Variants in EYS observed in about 807,000 individuals in gnomAD.
EYS encodes the protein EGF-like photoreceptor maintenance factor.
EYS carries 250 observed loss-of-function variants against 282.1 expected under a neutral mutation model. The observed-to-expected ratio is 0.89, with a 90% CI of 0.80 to 0.98. EYS has a LOEUF of 0.98. Among genes scored for constraint, EYS ranks in the 50% least tolerant of loss-of-function variants. The pLI, the probability that EYS is intolerant of heterozygous loss-of-function variation, is 0.00. For missense variants in EYS, 4,016 were observed against 3,709.0 expected (o/e 1.08, Z -2.15); for synonymous variants, 1,355 against 1,282.9 (o/e 1.06, Z -1.20).
chr6:64,023,829 C>A (rs183767755), intron 33 of EYS, among the ~76,000 whole-genome samples: 46 of 152,274 alleles, frequency 3.0e-4, no homozygotes, highest in African/African-American at 1.1e-3. Flanking sequence ...CGGGCCAGCG[C>A]GAGTTCCAGG....
intron 14 of EYS, among the ~76,000 whole-genome samples, chr6:64,975,925 C>T (rs1407558812): frequency 6.6e-6 from 1 of 151,446 alleles, no homozygotes; most frequent in African/African-American, 2.4e-5. Context: ...TTAAAAAAAG[C>T]TAATTTGATA....
At chr6:64,334,936 G>A (rs1280945368) in intron 29 of EYS, among the ~76,000 whole-genome samples, 3 of 152,036 alleles carry the variant, frequency 2.0e-5, no homozygotes, top group Non-Finnish European at 4.4e-5. Flanking sequence ...GGCCATAATA[G>A]GTGTATGCCT....
intron 36 of EYS, among the ~76,000 whole-genome samples, chr6:63,829,903 G>T (rs927058695): frequency 1.3e-5 from 2 of 152,178 alleles, no homozygotes; most frequent in African/African-American, 4.8e-5. Flanking sequence ...CTGCCATTCT[G>T]CAATATTTGC....
At chr6:64,552,184 C>A (rs1213544639) in intron 26 of EYS, among the ~76,000 whole-genome samples, 1 of 152,194 alleles carries the variant, frequency 6.6e-6, no homozygotes, top group Non-Finnish European at 1.5e-5. Context: ...TTGGGCACAG[C>A]TGGCCAGCAT....
chr6:63,913,258 C>T (rs1245673782), intron 35 of EYS, among the ~76,000 whole-genome samples: 1 of 152,142 alleles, frequency 6.6e-6, no homozygotes, highest in Non-Finnish European at 1.5e-5. Context: ...AAGATTACTC[C>T]AGGCACTTGG....
At chr6:65,699,148 A>T (rs1012668907) in intron 1 of EYS, among the ~76,000 whole-genome samples, 2 of 152,186 alleles carry the variant, frequency 1.3e-5, no homozygotes, top group African/African-American at 4.8e-5. Flanking sequence ...TTAATTTATT[A>T]TCTTCTACTT....
At position 64,094,912 on chromosome 6, in the gene EYS, C is replaced by G. The variant is rs566985416; in HGVS notation, c.6425-12910G>C. ...ATTTAGTGCTATAAATTTCCCTCTACACACTGCGTTGAATGTGTCCCAGAG... is the reference window on the plus strand; with the variant it reads ...ATTTAGTGCTATAAATTTCCCTCTAGACACTGCGTTGAATGTGTCCCAGAG... On this transcript the variant is annotated intron_variant, in intron 31 of 42. Transcript: ENST00000503581. Among the ~76,000 whole-genome samples the G allele has an allele frequency of 2.0e-5, 3 of 152,214 alleles. No individual in the cohort carries two copies. The East Asian group carries it at 5.8e-4, about 29-fold the overall frequency.
chr6:65,586,694 G>C (rs1384628383), intron 2 of EYS, among the ~76,000 whole-genome samples: 2 of 151,986 alleles, frequency 1.3e-5, no homozygotes, highest in Non-Finnish European at 2.9e-5. Flanking sequence ...AATTTTGATA[G>C]GAAAATATTT....
At chr6:65,348,882 C>A (rs1582170534) in intron 9 of EYS, among the ~76,000 whole-genome samples, 1 of 151,540 alleles carries the variant, frequency 6.6e-6, no homozygotes, top group Admixed American at 6.6e-5. Flanking sequence ...TTTTGATTTG[C>A]TTTTTGTATA....
chr6:65,225,523 G>A (rs1766598265), intron 12 of EYS, among the ~76,000 whole-genome samples: 1 of 151,528 alleles, frequency 6.6e-6, no homozygotes, highest in Admixed American at 6.6e-5. Flanking sequence ...AGACCAGCCT[G>A]GCCAACATGG....
chr6:65,619,892 C>T (rs1040227518), intron 2 of EYS, among the ~76,000 whole-genome samples: 3 of 150,956 alleles, frequency 2.0e-5, no homozygotes, highest in African/African-American at 7.3e-5. Context: ...CCTTGCATCC[C>T]AGGGATGAAG....
At chr6:64,449,622 T>C (rs947393396) in intron 26 of EYS, among the ~76,000 whole-genome samples, 11 of 152,090 alleles carry the variant, frequency 7.2e-5, no homozygotes, top group Non-Finnish European at 4.4e-5. Flanking sequence ...TTGGGTTACC[T>C]ACAAAGGGAA....
chr6:65,363,472 TC>T (rs1282286995), intron 8 of EYS, among the ~76,000 whole-genome samples: 1 of 151,966 alleles, frequency 6.6e-6, no homozygotes, highest in African/African-American at 2.4e-5. Context: ...GAAAAATAAC[TC>T]CTTTAAGTAT....
intron 35 of EYS, among the ~76,000 whole-genome samples, chr6:63,904,779 T>G (rs1773736445): frequency 2.0e-5 from 3 of 152,228 alleles, no homozygotes; most frequent in Admixed American, 2.0e-4. Flanking sequence ...TTATTTTTCT[T>G]AGAAGCCTCT....
At chr6:64,165,039 A>T (rs1336561817) in intron 31 of EYS, among the ~76,000 whole-genome samples, 1 of 152,044 alleles carries the variant, frequency 6.6e-6, no homozygotes, top group Non-Finnish European at 1.5e-5. Flanking sequence ...GTTTGTGCAC[A>T]TTTCTAGTAA....
intron 36 of EYS, among the ~76,000 whole-genome samples, chr6:63,818,033 C>T (rs1771227750): frequency 6.6e-6 from 1 of 152,166 alleles, no homozygotes; most frequent in Non-Finnish European, 1.5e-5. Context: ...AGTGGGAACC[C>T]TCCTCAGAAT....
chr6:64,663,728 G>A (rs9354017), intron 22 of EYS, among the ~76,000 whole-genome samples: 97,291 of 151,978 alleles, frequency 0.64, 31,378 homozygotes, highest in African/African-American at 0.71. Flanking sequence ...TAGATGTACC[G>A]TCATACTGTT....
intron 31 of EYS, among the ~76,000 whole-genome samples, chr6:64,124,092 G>T (rs1773682299): frequency 6.6e-6 from 1 of 152,156 alleles, no homozygotes; most frequent in Non-Finnish European, 1.5e-5. Context: ...TAAAGAAAAG[G>T]CAGGGAAAAG....
chr6:64,208,183 C>T (rs1765665326), intron 31 of EYS, among the ~76,000 whole-genome samples: 1 of 152,150 alleles, frequency 6.6e-6, no homozygotes, highest in Non-Finnish European at 1.5e-5. Flanking sequence ...AAAATCATCT[C>T]TGTGAGAATT....
Sources: allele counts gnomAD v4.1 joint callset (sites outside exome capture counted in the v4.1 genomes callset), GRCh38; gene constraint gnomAD v4.1.1; transcripts MANE v1.5; gene names NCBI Gene and HGNC (gene_info 2026-07-23, HGNC 2026-07-21).